ITGA7: variants seen among roughly 807,000 people sequenced by gnomAD.
ITGA7 encodes integrin subunit alpha 7, also known as integrin alpha-7.
ITGA7 carries 84 observed loss-of-function variants against 131.6 expected under a neutral mutation model. The ratio of observed to expected loss-of-function variants is 0.64; its 90% CI spans 0.54 to 0.77. The LOEUF is 0.77. Among genes scored for constraint, ITGA7 ranks in the 30% least tolerant of loss-of-function variants. The pLI is 0.00. For missense variants in ITGA7, 1,399 were observed against 1,482.9 expected, an observed-to-expected ratio of 0.94 and a Z score of 0.93; for synonymous variants, 548 against 600.7, an observed-to-expected ratio of 0.91 and a Z score of 1.28.
chr12:55,697,460 T>C lies in ITGA7; in HGVS notation c.1496A>G (p.His499Arg), dbSNP rs1411806392. ...CCCGATCCCACCTCACCAGACCGAG[T>C]GGCCGCCAGCACAGTTGGGCTGCTC... ...DLEQPNCAGG[H>R]SVCVDLRVCF... Residue 499 changes from histidine (H) to arginine (R), a missense_variant, in exon 10 of 25, where the codon CAC becomes CGC. By Grantham distance (29) the His-to-Arg change is conservative (BLOSUM62 0). Coordinates refer to ENST00000257879, the MANE Select transcript of ITGA7 (RefSeq NM_002206.3). The C allele has an allele frequency of 6.2e-7, 1 of 1,613,970 alleles. No homozygotes were observed. The highest frequency in any genetic ancestry group is 8.5e-7 in the Non-Finnish European group (1 of 1,179,990).
At chr12:55,699,300 A>G (rs1873423758) in intron 5 of ITGA7, among the ~76,000 whole-genome samples, 1 of 152,172 alleles carries the variant, frequency 6.6e-6, no homozygotes, top group Admixed American at 6.5e-5. Context: ...CCAGGGAGCT[A>G]GAAGAGCTAG....
At chr12:55,701,373 A>G (rs748098615) in intron 3 of ITGA7, 2 of 1,552,362 alleles carry the variant, frequency 1.3e-6, no homozygotes, top group Non-Finnish European at 1.7e-6. Context: ...ACCTGTCTGC[A>G]CCCACTTCCT....
chr12:55,707,629 A>C lies in ITGA7; in HGVS notation c.54T>G (p.Leu18=). The change falls in exon 1 of 25, where the codon CTT becomes CTG. Residue 18 remains leucine, a synonymous_variant. Transcript: ENST00000257879. Reference sequence around the variant, plus strand: ...GCAGTTCGACGAGCAGGGAGCCAAAAAGGTAGCAAATCCCGGAGGCCCCCC... The same window carrying C: ...GCAGTTCGACGAGCAGGGAGCCAAACAGGTAGCAAATCCCGGAGGCCCCCC... The part of the protein sequence containing the change: ...DPWGASGICY[L]FGSLLVELLF... 1 of 1,608,398 alleles carries C rather than the reference A, an allele frequency of 6.2e-7. No individual in the cohort carries two copies. Among genetic ancestry groups the C allele is most frequent in the Non-Finnish European group, 8.5e-7 (1 of 1,177,378 alleles).
intron 1 of ITGA7, among the ~76,000 whole-genome samples, chr12:55,706,277 A>G (rs1195098999): frequency 6.6e-6 from 1 of 152,150 alleles, no homozygotes; most frequent in Non-Finnish European, 1.5e-5. Context: ...GAGGAGATGA[A>G]GTCCGTTGCT....
upstream of ITGA7, chr12:55,716,180 ACG>A: frequency 6.2e-7 from 1 of 1,611,428 alleles, no homozygotes; most frequent in Non-Finnish European, 8.5e-7. Context: ...AGCAGAATGA[ACG>A]CAAGGAGCTG....
upstream of ITGA7, among the ~76,000 whole-genome samples, chr12:55,709,622 G>A (rs944072504): frequency 1.3e-5 from 2 of 152,194 alleles, no homozygotes; most frequent in African/African-American, 4.8e-5. Context: ...GAGCTGACAT[G>A]GGAATGCAGA....
intron 4 of ITGA7, 163 bp downstream of exon 4, chr12:55,700,736 A>G (rs1367373266): frequency 3.3e-6 from 3 of 908,480 alleles, no homozygotes; most frequent in Admixed American, 2.4e-5. Context: ...GGCACCCCCC[A>G]TTCATGTGTG....
chr12:55,699,649 A>C (rs1290353624), intron 5 of ITGA7: 3 of 589,166 alleles, frequency 5.1e-6, no homozygotes, highest in African/African-American at 3.7e-5. Context: ...CTCCATGGAG[A>C]CCCCTGGCTC....
intron 21 of ITGA7, among the ~76,000 whole-genome samples, chr12:55,692,061 G>T (rs1437426992): frequency 6.6e-6 from 1 of 152,136 alleles, no homozygotes; most frequent in Non-Finnish European, 1.5e-5. Flanking sequence ...TGCTCAAAAG[G>T]GGTAAACTTA....
Position 55,694,123 on chromosome 12 carries a change from T to C in ITGA7, c.2433A>G (p.Gly811=). Residue 811 remains glycine (G), a splice_region_variant and synonymous_variant, in exon 19 of 25, where the codon GGA becomes GGG. Transcript: ENST00000257879. This position sits in a 1 kb window ranked among gnomAD's most constrained non-coding sequence, Gnocchi z 5.3. Reference sequence around the variant, plus strand: ...AGAAGAGTTGCTGGGGAATGGCCATTCTGGCGTGGAGAGGTCAGAACAGGG... The same window carrying C: ...AGAAGAGTTGCTGGGGAATGGCCATCCTGGCGTGGAGAGGTCAGAACAGGG... ...VFIELPLSIA[G]MAIPQQLFFS... 2 of 1,614,158 alleles carry C rather than the reference T, an allele frequency of 1.2e-6. No homozygotes were observed. Among genetic ancestry groups the C allele is most frequent in the South Asian group, 1.1e-5 (1 of 91,090 alleles).
chr12:55,712,349 C>T (rs931394834), upstream of ITGA7: 1 of 959,400 alleles, frequency 1.0e-6, no homozygotes, highest in Admixed American at 2.0e-5. Context: ...CACCACCAAC[C>T]CCCTCTCTTG....
chr12:55,708,549 G>T (rs1875708072), upstream of ITGA7, among the ~76,000 whole-genome samples: 1 of 151,746 alleles, frequency 6.6e-6, no homozygotes, highest in Non-Finnish European at 1.5e-5. Context: ...ATGGAGAAAT[G>T]GAAAAAGGAA....
chr12:55,693,644 C>T (rs1331250559), intron 19 of ITGA7, among the ~76,000 whole-genome samples: 1 of 152,094 alleles, frequency 6.6e-6, no homozygotes, highest in Admixed American at 6.5e-5. Flanking sequence ...CCACCAAATC[C>T]GGGAAACCCT....
intron 5 of ITGA7, chr12:55,699,380 G>C (rs949562604): frequency 3.4e-6 from 1 of 291,120 alleles, no homozygotes; most frequent in African/African-American, 2.2e-5. Context: ...TGGCAGGGAG[G>C]GGAAGTCTTC....
chr12:55,714,319 C>T (rs1269367006), upstream of ITGA7, among the ~76,000 whole-genome samples: 10 of 151,556 alleles, frequency 6.6e-5, no homozygotes, highest in Admixed American at 4.6e-4. Flanking sequence ...GAGACCATCC[C>T]GGCTAAAACG....
At chr12:55,716,151 C>T, upstream of ITGA7, 10 of 1,612,510 alleles carry the variant, frequency 6.2e-6, no homozygotes, top group Non-Finnish European at 8.5e-6. Flanking sequence ...GTCCCGCCTC[C>T]TAAAAGAACA....
Position 55,707,748 on chromosome 12 carries a change from C to G in ITGA7, c.-66G>C, listed in dbSNP as rs1482818772. The G allele has an allele frequency of 1.9e-6, 3 of 1,549,096 alleles. No homozygotes were observed. Among genetic ancestry groups the G allele is most frequent in the Middle Eastern group, 3.5e-4 (2 of 5,698 alleles). On this transcript the variant is annotated 5_prime_UTR_variant, in exon 1 of 25. Coordinates refer to ENST00000257879, the MANE Select transcript of ITGA7 (RefSeq NM_002206.3). ...ATCTCGCACGCCCCAAGCCCCAGGT[C>G]CCCCCAGGCGCGTCTCTGGTCTCCA...
Position 55,700,403 on chromosome 12 carries a change from C to T in ITGA7, c.671-414G>A, listed in dbSNP as rs1233233558. The T allele has an allele frequency of 2.5e-6, 4 of 1,600,802 alleles. No homozygotes were observed. The East Asian group carries it at 6.7e-5, about 27-fold the overall frequency. Reference sequence around the variant, plus strand: ...TCCACCCTGGCCGTGCCTGCAAGGACAGACCTGTTAGTGCCCAGGGCAGGG... The same window carrying T: ...TCCACCCTGGCCGTGCCTGCAAGGATAGACCTGTTAGTGCCCAGGGCAGGG... On this transcript the variant is annotated intron_variant, in intron 4 of 24. Transcript: ENST00000257879.
intron 13 of ITGA7, 150 bp downstream of exon 13, chr12:55,696,133 T>C (rs568178653): frequency 2.4e-6 from 2 of 834,692 alleles, no homozygotes; most frequent in African/African-American, 1.7e-5. Context: ...ACTAGGAACA[T>C]GGTCATTTAG....
Sources: allele counts gnomAD v4.1 joint callset (sites outside exome capture counted in the v4.1 genomes callset), GRCh38; gene constraint gnomAD v4.1.1; non-coding constraint Gnocchi (gnomAD v3.1); transcripts MANE v1.5; gene names NCBI Gene and HGNC (gene_info 2026-07-23, HGNC 2026-07-21).